FCHSD2: variants seen among roughly 807,000 people sequenced by gnomAD.
FCHSD2 encodes FCH and double SH3 domains 2.
FCHSD2 carries 38 observed loss-of-function variants against 108.1 expected under a neutral mutation model. The observed-to-expected ratio is 0.35, with a 90% CI of 0.27 to 0.46. The LOEUF (loss-of-function observed/expected upper bound fraction) is 0.46, where lower values mean the gene tolerates loss of function less well. Ranked by LOEUF, FCHSD2 falls within the 20% of genes least tolerant of loss-of-function variation. FCHSD2 has a pLI of 1.00. For synonymous variants in FCHSD2, 279 were observed against 314.7 expected (o/e 0.89, Z 1.20); for missense variants, 751 against 897.8 (o/e 0.84, Z 2.09).
chr11:72,867,913 C>T lies in FCHSD2; in HGVS notation c.1260G>A (p.Glu420=). The T allele has an allele frequency of 6.2e-7, 1 of 1,611,856 alleles. No individual in the cohort carries two copies. The highest frequency in any genetic ancestry group is 8.5e-7 in the Non-Finnish European group (1 of 1,179,112). ...MNQVMEELEN[E]RWARPPAVTS... is the part of the protein sequence containing the mutation. ...TCACTGCAGGAGGGCGGGCCCATCG[C>T]TCATTTTCCAGTTCTTCCATTACTT... The change falls in exon 13 of 20, where the codon GAG becomes GAA. Residue 420 remains glutamate, a synonymous_variant. Transcript: ENST00000409418.
intron 13 of FCHSD2, among the ~76,000 whole-genome samples, chr11:72,853,643 G>A (rs1487441548): frequency 2.0e-5 from 3 of 152,084 alleles, no homozygotes; most frequent in Admixed American, 6.6e-5. Context: ...TCGAACTCCT[G>A]AGCTCAGGCA....
At chr11:72,982,952 G>C (rs1185856042) in intron 8 of FCHSD2, among the ~76,000 whole-genome samples, 1 of 152,102 alleles carries the variant, frequency 6.6e-6, no homozygotes, top group East Asian at 1.9e-4. Flanking sequence ...CTTGAAGCCA[G>C]GAGTTTGAGG....
intron 8 of FCHSD2, among the ~76,000 whole-genome samples, chr11:72,975,754 G>C (rs1857092823): frequency 6.6e-6 from 1 of 152,144 alleles, no homozygotes; most frequent in Non-Finnish European, 1.5e-5. Context: ...CTGCCATACA[G>C]AAAGATGTTT....
At chr11:72,845,462 CAA>C (rs1861106261) in intron 14 of FCHSD2, among the ~76,000 whole-genome samples, 1 of 17,384 alleles carries the variant, frequency 5.8e-5, no homozygotes, top group Non-Finnish European at 1.7e-4. Flanking sequence ...AAAAAAAAAA[CAA>C]CAACAAACAA....
intron 3 of FCHSD2, among the ~76,000 whole-genome samples, chr11:73,024,637 A>C (rs1342679338): frequency 1.3e-5 from 2 of 152,202 alleles, no homozygotes; most frequent in Non-Finnish European, 2.9e-5. Context: ...AAGCATTGAC[A>C]AATGGGATCT....
At chr11:72,961,010 G>A (rs79336645) in intron 8 of FCHSD2, among the ~76,000 whole-genome samples, 228 of 152,230 alleles carry the variant, frequency 1.5e-3, no homozygotes, top group African/African-American at 5.3e-3. Flanking sequence ...AATAGAAAAT[G>A]GTGACCTAGG....
intron 2 of FCHSD2, among the ~76,000 whole-genome samples, chr11:73,103,550 A>G (rs931663342): frequency 5.9e-5 from 9 of 152,202 alleles, no homozygotes; most frequent in Non-Finnish European, 1.2e-4. Flanking sequence ...TACATTGAAT[A>G]TATCTACAAT....
intron 8 of FCHSD2, among the ~76,000 whole-genome samples, chr11:72,931,007 T>C (rs1206765376): frequency 6.6e-6 from 1 of 151,998 alleles, no homozygotes; most frequent in Non-Finnish European, 1.5e-5. Flanking sequence ...GATGTGCTTA[T>C]TTCACATTGC....
chr11:73,027,435 A>C (rs181490441), intron 3 of FCHSD2, among the ~76,000 whole-genome samples: 49 of 152,344 alleles, frequency 3.2e-4, no homozygotes, highest in African/African-American at 1.2e-3. Flanking sequence ...CAAAGCATTC[A>C]AAATGTAACC....
intron 8 of FCHSD2, among the ~76,000 whole-genome samples, chr11:72,950,741 C>T (rs1411219093): frequency 6.6e-6 from 1 of 152,172 alleles, no homozygotes; most frequent in Non-Finnish European, 1.5e-5. Context: ...GAATACTTAA[C>T]TCCCACATTA....
chr11:72,912,329 G>C (rs1431641242), intron 9 of FCHSD2, among the ~76,000 whole-genome samples: 3 of 152,122 alleles, frequency 2.0e-5, no homozygotes, highest in Non-Finnish European at 4.4e-5. Flanking sequence ...TCTATACCCA[G>C]TTTATTGAGG....
At chr11:73,078,764 T>C (rs1859613904) in intron 3 of FCHSD2, among the ~76,000 whole-genome samples, 1 of 152,152 alleles carries the variant, frequency 6.6e-6, no homozygotes, top group Non-Finnish European at 1.5e-5. Flanking sequence ...TGTCACCAAG[T>C]CTGAAGCACA....
intron 3 of FCHSD2, among the ~76,000 whole-genome samples, chr11:73,059,962 G>A (rs1209556107): frequency 2.0e-5 from 3 of 152,178 alleles, no homozygotes; most frequent in East Asian, 1.9e-4. Flanking sequence ...ATGGTCATCA[G>A]TACATTCTCA....
At chr11:73,038,037 G>A (rs761517371) in intron 3 of FCHSD2, among the ~76,000 whole-genome samples, 3 of 152,170 alleles carry the variant, frequency 2.0e-5, no homozygotes, top group Non-Finnish European at 2.9e-5. Flanking sequence ...CAAGTCTTCT[G>A]CTAGATGCTA....
chr11:72,852,149 A>G (rs1861307188), intron 13 of FCHSD2, among the ~76,000 whole-genome samples: 1 of 152,024 alleles, frequency 6.6e-6, no homozygotes, highest in South Asian at 2.1e-4. Context: ...TTGGCCTCCC[A>G]AATTGCTAAG....
chr11:72,924,451 T>C (rs952315694), intron 8 of FCHSD2, among the ~76,000 whole-genome samples: 10 of 150,872 alleles, frequency 6.6e-5, no homozygotes, highest in Admixed American at 6.6e-4. Flanking sequence ...CTTTTTTTTT[T>C]TTTTGTATTT....
Position 72,902,570 on chromosome 11 carries a change from G to A in FCHSD2, c.897C>T (p.Phe299=), listed in dbSNP as rs201315056. The A allele has an allele frequency of 1.5e-5, 24 of 1,587,738 alleles. No individual in the cohort carries two copies. The highest frequency in any genetic ancestry group is 2.0e-5 in the Non-Finnish European group (23 of 1,166,138). ...TATCACTGTCACAAGGCTGGAACTG[G>A]AAGGGCTGGGGTTTGTGAAATACAG... ...ENAVFHKPQP[F]QFQPCDSDTS... The change falls in exon 10 of 20, where the codon TTC becomes TTT. Residue 299 remains phenylalanine, a synonymous_variant. Transcript: ENST00000409418.
intron 3 of FCHSD2, among the ~76,000 whole-genome samples, chr11:73,024,424 C>A (rs1486489868): frequency 6.6e-6 from 1 of 152,022 alleles, no homozygotes; most frequent in Non-Finnish European, 1.5e-5. Context: ...TTGTTTCTCA[C>A]TAGGCACAGG....
rs1159848577 is a variant in FCHSD2 at position 72,866,004 on chromosome 11, G to A, written c.1308+1861C>T. 2.6e-5 allele frequency among the ~76,000 whole-genome samples: 4 copies of A among 152,136 alleles called. No homozygotes were observed. In the East Asian group the frequency reaches 7.7e-4, roughly 29 times the overall value. ...CAGGAAGTAAGTACAAAGTTAGATG[G>A]TATGTGCCTGCTCAGTTCAAAGTCA... On this transcript the variant is annotated intron_variant, in intron 13 of 19. Transcript: ENST00000409418.
Sources: gnomAD v4.1 joint callset for allele counts (sites outside exome capture counted in the v4.1 genomes callset) on GRCh38, gnomAD v4.1.1 for gene constraint, MANE v1.5 for transcripts, NCBI Gene and HGNC (gene_info 2026-07-23, HGNC 2026-07-21) for gene names.